Variants in AFAP1L2 observed in about 807,000 individuals in gnomAD.
The protein encoded by AFAP1L2 is actin filament-associated protein 1-like 2.
AFAP1L2 carries 46 observed loss-of-function variants against 99.3 expected under a neutral mutation model. The observed-to-expected ratio is 0.46, with a 90% CI of 0.37 to 0.59. The LOEUF (loss-of-function observed/expected upper bound fraction) is 0.59. Ranked by LOEUF, AFAP1L2 falls within the 20% of genes least tolerant of loss-of-function variation. The pLI, the probability that AFAP1L2 is intolerant of heterozygous loss-of-function variation, is 0.00. For missense variants in AFAP1L2, 959 were observed against 1,034.9 expected (o/e 0.93, Z 1.01); for synonymous variants, 397 against 419.1 (o/e 0.95, Z 0.64).
Position 114,294,909 on chromosome 10 carries a change from A to C in AFAP1L2, c.*1133T>G. 6.1e-6 allele frequency: 6 copies of C among 981,184 alleles called. No homozygotes were observed. Among genetic ancestry groups the C allele is most frequent in the Non-Finnish European group, 6.0e-6 (5 of 827,414 alleles). The allele number at this position is 981,184 out of a possible 1,614,324, so 60.8% of individuals were successfully genotyped here. A position where few individuals can be genotyped will look rare whatever the true frequency, so the allele number is the denominator to read the frequency against. ...TCACCAAATGTTTATGAGAGAGGAA[A>C]TAAGAATAAAAAAGACATTTAGTTC... On this transcript the variant is annotated 3_prime_UTR_variant, in exon 19 of 19. Transcript: ENST00000304129.
chr10:114,348,306 C>T (rs893985372), intron 1 of AFAP1L2, among the ~76,000 whole-genome samples: 4 of 152,118 alleles, frequency 2.6e-5, no homozygotes, highest in Non-Finnish European at 5.9e-5. Flanking sequence ...TTGAGAAACA[C>T]CCTCAGCTGT....
At chr10:114,335,477 G>C (rs2047821727) in intron 2 of AFAP1L2, among the ~76,000 whole-genome samples, 1 of 151,752 alleles carries the variant, frequency 6.6e-6, no homozygotes, top group South Asian at 2.1e-4. Context: ...GCCAGGTGTA[G>C]TGGTGGGCGC....
At chr10:114,335,545 A>G (rs190088250) in intron 2 of AFAP1L2, among the ~76,000 whole-genome samples, 4 of 151,754 alleles carry the variant, frequency 2.6e-5, no homozygotes, top group African/African-American at 4.8e-5. Flanking sequence ...CCCAGGAGGC[A>G]GAGCTTGCAG....
At position 114,300,237 on chromosome 10, in the gene AFAP1L2, A is replaced by T. The variant is rs2133986161; in HGVS notation, c.1914T>A (p.Gly638=). Residue 638 remains glycine, a synonymous_variant, in exon 15 of 19, where the codon GGT becomes GGA. Coordinates refer to ENST00000304129, the MANE Select transcript of AFAP1L2 (RefSeq NM_001001936.3). The part of the protein sequence containing the change: ...CPDAVVATPP[G]ASPPVKDRLR... ...ACCTGTCCTTCACAGGTGGGCTGGC[A>T]CCAGGTGGGGTGGCCACCACGGCAT... 6.2e-7 allele frequency: 1 copy of T among 1,614,114 alleles called. No homozygotes were observed. Among genetic ancestry groups the T allele is most frequent in the East Asian group, 2.2e-5 (1 of 44,874 alleles).
At chr10:114,290,669 G>A (rs116465530), downstream of AFAP1L2, among the ~76,000 whole-genome samples, 528 of 152,252 alleles carry the variant, frequency 3.5e-3, 4 homozygotes, top group African/African-American at 0.012. Flanking sequence ...TAAGCACCCC[G>A]GAGAAAGTCA....
At chr10:114,338,128 C>T (rs1487577304) in intron 2 of AFAP1L2, among the ~76,000 whole-genome samples, 4 of 152,350 alleles carry the variant, frequency 2.6e-5, no homozygotes, top group African/African-American at 9.6e-5. Context: ...CTCGGCTTTA[C>T]GACTGCTTAT....
chr10:114,360,509 T>TAGATAGATAGATAGATAGATAGA (rs61366681), intron 1 of AFAP1L2, among the ~76,000 whole-genome samples: 1 of 107,368 alleles, frequency 9.3e-6, no homozygotes, highest in Non-Finnish European at 2.0e-5. Flanking sequence ...AGATAGATAG[T>TAGATAGATAGATAGATAGATAGA]TAGATAGATA....
At chr10:114,400,795 C>G (rs2058160216) in intron 1 of AFAP1L2, among the ~76,000 whole-genome samples, 2 of 152,122 alleles carry the variant, frequency 1.3e-5, no homozygotes, top group South Asian at 4.1e-4. Flanking sequence ...TACCCTAGAC[C>G]AATTAAATCA....
At chr10:114,290,315 G>C (rs1228620308), downstream of AFAP1L2, 6 of 1,550,628 alleles carry the variant, frequency 3.9e-6, no homozygotes, top group Non-Finnish European at 5.2e-6. Flanking sequence ...CAGAATGGGA[G>C]CTACCGCTGC....
intron 1 of AFAP1L2, among the ~76,000 whole-genome samples, chr10:114,350,999 G>A (rs1352241702): frequency 1.3e-5 from 2 of 152,160 alleles, no homozygotes; most frequent in East Asian, 3.8e-4. Context: ...AGCCAGCGGG[G>A]GCCAGTTATG....
At chr10:114,395,625 C>A (rs1424463856) in intron 1 of AFAP1L2, among the ~76,000 whole-genome samples, 1 of 151,944 alleles carries the variant, frequency 6.6e-6, no homozygotes, top group Admixed American at 6.6e-5. Context: ...GAGAAAAAAA[C>A]GGGGGGTGGA....
intron 2 of AFAP1L2, among the ~76,000 whole-genome samples, chr10:114,338,290 G>A (rs1372504478): frequency 6.6e-6 from 1 of 152,186 alleles, no homozygotes; most frequent in African/African-American, 2.4e-5. Context: ...GACTTGGCCT[G>A]TTCCCGCTGG....
chr10:114,392,325 A>G (rs564098380), intron 1 of AFAP1L2, among the ~76,000 whole-genome samples: 6 of 152,284 alleles, frequency 3.9e-5, no homozygotes, highest in African/African-American at 1.4e-4. Flanking sequence ...GGAATTTGAG[A>G]CTGCAGTCAG....
intron 2 of AFAP1L2, among the ~76,000 whole-genome samples, chr10:114,336,892 TC>T (rs2048057386): frequency 6.6e-6 from 1 of 152,040 alleles, no homozygotes; most frequent in Non-Finnish European, 1.5e-5. Flanking sequence ...GAAACAAAGA[TC>T]AGAAAACTCA....
At chr10:114,318,985 T>C (rs1363040745) in intron 5 of AFAP1L2, among the ~76,000 whole-genome samples, 1 of 151,534 alleles carries the variant, frequency 6.6e-6, no homozygotes, top group African/African-American at 2.4e-5. Flanking sequence ...AAAACCCCGT[T>C]TCTACTAAAG....
chr10:114,395,837 C>T (rs1357113577), intron 1 of AFAP1L2, among the ~76,000 whole-genome samples: 1 of 152,176 alleles, frequency 6.6e-6, no homozygotes, highest in East Asian at 1.9e-4. Flanking sequence ...AGACGCGGGC[C>T]TTGGGGCTGC....
At chr10:114,384,532 G>T (rs1007309321) in intron 1 of AFAP1L2, among the ~76,000 whole-genome samples, 2 of 152,194 alleles carry the variant, frequency 1.3e-5, no homozygotes, top group African/African-American at 4.8e-5. Flanking sequence ...AACGTTGCCT[G>T]GGGTGAAATT....
the AFAP1L2 span, chr10:114,286,569 T>C: frequency 2.1e-6 from 3 of 1,441,402 alleles, no homozygotes; most frequent in South Asian, 1.4e-5. Flanking sequence ...CTTCCTCCTT[T>C]TGGCCACCAC....
chr10:114,301,044 A>C (rs954275770), intron 13 of AFAP1L2, among the ~76,000 whole-genome samples: 1 of 152,048 alleles, frequency 6.6e-6, no homozygotes, highest in South Asian at 2.1e-4. Context: ...CATCCCACTC[A>C]ACAACCGATT....
Sources: allele counts gnomAD v4.1 joint callset (sites outside exome capture counted in the v4.1 genomes callset), GRCh38; gene constraint gnomAD v4.1.1; transcripts MANE v1.5; gene names NCBI Gene and HGNC (gene_info 2026-07-23, HGNC 2026-07-21).